Variants in NR5A2 observed in about 807,000 individuals in gnomAD.
The protein encoded by NR5A2 is CYP7A promoter-binding factor.
In NR5A2, 26 loss-of-function variants were observed where a neutral mutation model predicts 62.7. The observed-to-expected ratio is 0.41, with a 90% CI of 0.30 to 0.58. The LOEUF is 0.58. NR5A2 is among the 20% of genes least tolerant of loss of function. The probability of loss-of-function intolerance (pLI) is 0.22; values close to 1 mark genes in which losing one functional copy is unlikely to be tolerated. For synonymous variants in NR5A2, 246 were observed against 241.7 expected, an observed-to-expected ratio of 1.02 and a Z score of -0.16; for missense variants, 541 against 669.1, an observed-to-expected ratio of 0.81 and a Z score of 2.11.
intron 7 of NR5A2, among the ~76,000 whole-genome samples, chr1:200,159,273 A>G (rs1487544673): frequency 6.6e-6 from 1 of 152,110 alleles, no homozygotes. Context: ...TTGGTTTCCA[A>G]TTTCTGTTTA....
chr1:200,108,081 CGTGTGTGTGTGT>C (rs71132660), intron 5 of NR5A2, among the ~76,000 whole-genome samples: 224 of 146,874 alleles, frequency 1.5e-3, no homozygotes, highest in Non-Finnish European at 2.4e-3. Context: ...AGAAGACATA[CGTGTGTGTGTGT>C]GTGTGTGTGT....
At chr1:200,044,595 T>G (rs375482350) in intron 3 of NR5A2, 3 of 152,182 alleles carry the variant, frequency 2.0e-5, no homozygotes, top group East Asian at 3.9e-4. Flanking sequence ...TCAAAGTTTT[T>G]TTTGTTTGTT....
chr1:200,104,620 T>C (rs997076483), intron 5 of NR5A2, among the ~76,000 whole-genome samples: 1 of 152,224 alleles, frequency 6.6e-6, no homozygotes, highest in Non-Finnish European at 1.5e-5. Flanking sequence ...CTGGACTTAA[T>C]TTGTAATGAT....
chr1:200,094,593 T>C (rs538365886), intron 5 of NR5A2, among the ~76,000 whole-genome samples: 220 of 131,738 alleles, frequency 1.7e-3, no homozygotes, highest in African/African-American at 5.6e-3. Context: ...AGTGCAGTGG[T>C]TCGATCTCGG....
intron 7 of NR5A2, among the ~76,000 whole-genome samples, chr1:200,142,819 A>AT (rs932421380): frequency 1.3e-5 from 2 of 151,738 alleles, no homozygotes; most frequent in African/African-American, 2.4e-5. Context: ...ATTTATTAAG[A>AT]TTTTTTTCTT....
chr1:200,033,598 G>A (rs1661625172), intron 1 of NR5A2, among the ~76,000 whole-genome samples: 1 of 152,150 alleles, frequency 6.6e-6, no homozygotes. Context: ...AAAGAAAATT[G>A]GTCGGAATCC....
intron 7 of NR5A2, among the ~76,000 whole-genome samples, chr1:200,132,198 C>T (rs906293835): frequency 2.0e-5 from 3 of 152,116 alleles, no homozygotes; most frequent in African/African-American, 4.8e-5. Context: ...TTAGTAGAGA[C>T]GGGATTTCAC....
At chr1:200,143,520 T>C (rs543261343) in intron 7 of NR5A2, among the ~76,000 whole-genome samples, 28 of 152,150 alleles carry the variant, frequency 1.8e-4, no homozygotes, top group Middle Eastern at 3.4e-3. Context: ...CGCCATGCTT[T>C]ACTTTAAGCA....
chr1:200,107,324 A>T (rs1571489017), intron 5 of NR5A2, among the ~76,000 whole-genome samples: 1 of 146,810 alleles, frequency 6.8e-6, no homozygotes, highest in Non-Finnish European at 1.5e-5. Flanking sequence ...TTTGCCAGGC[A>T]CCAGGGAAGA....
At position 200,067,017 on chromosome 1, in the gene NR5A2, A is replaced by C. The variant is rs74526705; in HGVS notation, c.1110+18199A>C. ...ACGTGGCTACCCCTTGCTTCATCAT[A>C]ACCCTTTACATGATGACTTGCTGAA... is the stretch of plus-strand genomic sequence containing the variant. On this transcript the variant is annotated intron_variant, in intron 5 of 7. Transcript: ENST00000367362. Among the ~76,000 whole-genome samples, 23 of 152,340 alleles carry C rather than the reference A, an allele frequency of 1.5e-4. No individual in the cohort carries two copies. The East Asian group carries it at 4.4e-3, about 29-fold the overall frequency.
intron 1 of NR5A2, among the ~76,000 whole-genome samples, chr1:200,035,637 GC>G (rs930384295): frequency 2.0e-5 from 3 of 152,214 alleles, no homozygotes; most frequent in Non-Finnish European, 4.4e-5. Flanking sequence ...GGCGCGCACG[GC>G]CCCGTAACGC....
chr1:200,069,172 T>A (rs1379128579), intron 5 of NR5A2, among the ~76,000 whole-genome samples: 3 of 152,066 alleles, frequency 2.0e-5, no homozygotes, highest in Non-Finnish European at 4.4e-5. Flanking sequence ...CCCTAAGAAA[T>A]TTTTAATATG....
At chr1:200,073,042 G>A (rs1245602068) in intron 5 of NR5A2, among the ~76,000 whole-genome samples, 3 of 151,808 alleles carry the variant, frequency 2.0e-5, no homozygotes, top group Non-Finnish European at 2.9e-5. Flanking sequence ...ACTTCCTTAC[G>A]AAAATCAGCG....
intron 7 of NR5A2, among the ~76,000 whole-genome samples, chr1:200,137,103 G>A (rs1221344345): frequency 6.6e-6 from 1 of 151,828 alleles, no homozygotes; most frequent in Non-Finnish European, 1.5e-5. Context: ...CCAAAGTGCT[G>A]GGATTACAGG....
At chr1:200,094,194 C>A (rs9660552) in intron 5 of NR5A2, among the ~76,000 whole-genome samples, 48,208 of 145,230 alleles carry the variant, frequency 0.33, 8,856 homozygotes, top group East Asian at 0.55. Context: ...TTTTTTTTTT[C>A]TTTTTTTGGA....
intron 7 of NR5A2, among the ~76,000 whole-genome samples, chr1:200,144,231 TCTCACACA>T (rs773572571): frequency 0.023 from 1,616 of 70,794 alleles, 19 homozygotes; most frequent in Middle Eastern, 0.055. Context: ...TCTCTCTCTC[TCTCACACA>T]CACACACACA....
Position 200,176,812 on chromosome 1 carries a change from C to T in NR5A2, c.*2602C>T, listed in dbSNP as rs1026828585. 13 of 152,102 alleles carry T rather than the reference C, an allele frequency of 8.5e-5. 1 individual carries two copies. The allele number at this position is 152,102 out of a possible 1,614,324, so 9.4% of individuals were successfully genotyped here. A position where few individuals can be genotyped will look rare whatever the true frequency, so the allele number is the denominator to read the frequency against. On this transcript the variant is annotated 3_prime_UTR_variant, in exon 8 of 8. Coordinates refer to ENST00000367362, the MANE Select transcript of NR5A2 (RefSeq NM_205860.3). ...GCCAGCATACCTGGCTACGTTGACT[C>T]TTAAAATCTATGTTCTCTTATTTTA...
intron 5 of NR5A2, among the ~76,000 whole-genome samples, chr1:200,066,737 AC>A (rs1163889898): frequency 6.6e-6 from 1 of 151,866 alleles, no homozygotes; most frequent in Non-Finnish European, 1.5e-5. Flanking sequence ...ACAGGTGCCC[AC>A]CACCATGCCC....
At chr1:200,172,377 A>G (rs1187203561) in intron 7 of NR5A2, among the ~76,000 whole-genome samples, 4 of 152,226 alleles carry the variant, frequency 2.6e-5, no homozygotes, top group Admixed American at 2.6e-4. Context: ...CATGGGTAAA[A>G]TGTCCAGAGC....
Sources: gnomAD v4.1 joint callset for allele counts (sites outside exome capture counted in the v4.1 genomes callset) on GRCh38, gnomAD v4.1.1 for gene constraint, MANE v1.5 for transcripts, NCBI Gene and HGNC (gene_info 2026-07-23, HGNC 2026-07-21) for gene names.